The following DYNC2I2 variants were observed in gnomAD, a reference collection of about 807,000 sequenced individuals.
DYNC2I2 encodes the protein cytoplasmic dynein 2 intermediate chain 2.
A neutral mutation model predicts 52.0 loss-of-function variants in DYNC2I2; 39 were observed. The ratio of observed to expected loss-of-function variants is 0.75; its 90% confidence interval spans 0.58 to 0.98. The LOEUF (loss-of-function observed/expected upper bound fraction) is 0.98. Among genes scored for constraint, DYNC2I2 ranks in the 50% least tolerant of loss-of-function variants. The pLI is 0.00. For synonymous variants in DYNC2I2, 359 were observed against 321.1 expected (o/e 1.12, Z -1.26); for missense variants, 743 against 728.4 (o/e 1.02, Z -0.23).
the DYNC2I2 span, among the ~76,000 whole-genome samples, chr9:128,669,663 C>T: frequency 9.9e-5 from 15 of 152,264 alleles, no homozygotes; most frequent in African/African-American, 2.9e-4. Flanking sequence ...CACTATTGCA[C>T]GCCATCCTGG....
At chr9:128,639,327 G>A (rs1042183281) in intron 2 of DYNC2I2, among the ~76,000 whole-genome samples, 2 of 152,010 alleles carry the variant, frequency 1.3e-5, no homozygotes, top group African/African-American at 4.8e-5. Flanking sequence ...GGACCCGGGA[G>A]GCAGAGGTTG....
the DYNC2I2 span, among the ~76,000 whole-genome samples, chr9:128,673,826 G>C: frequency 1.8e-4 from 10 of 54,844 alleles, no homozygotes; most frequent in African/African-American, 7.8e-4. Context: ...TTTTTTTTTT[G>C]AGATGAAGTT....
chr9:128,683,786 C>G, the DYNC2I2 span: 1 of 860,402 alleles, frequency 1.2e-6, no homozygotes, highest in Non-Finnish European at 1.8e-6. Context: ...CCAGGCAGGG[C>G]GGCTCCAGTG....
At chr9:128,675,478 C>T in the DYNC2I2 span, among the ~76,000 whole-genome samples, 9 of 152,236 alleles carry the variant, frequency 5.9e-5, no homozygotes, top group East Asian at 1.5e-3. Context: ...CCGAGCCTGG[C>T]GGAGCCTTGA....
At chr9:128,653,550 TA>T (rs111614767) in intron 1 of DYNC2I2, among the ~76,000 whole-genome samples, 4,820 of 128,028 alleles carry the variant, frequency 0.038, 386 homozygotes, top group African/African-American at 0.12. Flanking sequence ...CCACCTCTAC[TA>T]AAAAAAAAAA....
chr9:128,676,437 C>A, the DYNC2I2 span, among the ~76,000 whole-genome samples: 1 of 152,022 alleles, frequency 6.6e-6, no homozygotes, highest in Admixed American at 6.6e-5. Context: ...TTGCAGTGAG[C>A]CTAGATCCTG....
intron 6 of DYNC2I2, 31 bp downstream of exon 6, chr9:128,635,061 A>G (rs775568129): frequency 6.3e-7 from 1 of 1,596,674 alleles, no homozygotes; most frequent in Non-Finnish European, 8.5e-7. Context: ...TCACCGGCGC[A>G]GGCCAGGGCA....
In DYNC2I2 at chr9:128,656,608, T is replaced by C. The variant is rs1474346802; in HGVS notation, c.119A>G (p.Asp40Gly). The C allele has an allele frequency of 6.7e-7, 1 of 1,494,594 alleles. No homozygotes were observed. The highest frequency in any genetic ancestry group is 2.8e-5 in the East Asian group (1 of 35,238). The allele number at this position is 1,494,594 out of a possible 1,614,324, so 92.6% of individuals were successfully genotyped here. A position where few individuals can be genotyped will look rare whatever the true frequency, so the allele number is the denominator to read the frequency against. ...PGPGRPGPLQ[D>G]ETLGVASVPS... ...CACGGACGCCACACCCAGGGTCTCG[T>C]CCTGCAGCGGCCCTGGCCGCCCCGG... is the stretch of plus-strand genomic sequence containing the variant. The change falls in exon 1 of 9, where the codon GAC (aspartate) becomes GGC (glycine). Residue 40 changes from aspartate (D) to glycine (G), a missense_variant. Coordinates refer to ENST00000372715, the MANE Select transcript of DYNC2I2 (RefSeq NM_052844.4).
At chr9:128,665,956 T>G in the DYNC2I2 span, among the ~76,000 whole-genome samples, 2 of 149,668 alleles carry the variant, frequency 1.3e-5, no homozygotes, top group African/African-American at 4.9e-5. Context: ...GCGCCTGTAG[T>G]CCCAGCTACT....
chr9:128,668,499 C>T, the DYNC2I2 span, among the ~76,000 whole-genome samples: 5 of 150,796 alleles, frequency 3.3e-5, no homozygotes, highest in Non-Finnish European at 5.9e-5. Flanking sequence ...CCAGCGCCAG[C>T]TTGGGTAACA....
intron 4 of DYNC2I2, 105 bp from the exon 5 acceptor site, chr9:128,635,872 G>A: frequency 9.3e-7 from 1 of 1,079,234 alleles, no homozygotes; most frequent in Non-Finnish European, 1.4e-6. Context: ...CCAGGGCCAG[G>A]CGGCAGAGCC....
chr9:128,638,997 A>G (rs187860411), intron 2 of DYNC2I2, among the ~76,000 whole-genome samples: 53 of 152,272 alleles, frequency 3.5e-4, no homozygotes, highest in Non-Finnish European at 5.1e-4. Flanking sequence ...ATTTTGGTTC[A>G]AGGAATGTTT....
intron 1 of DYNC2I2, among the ~76,000 whole-genome samples, chr9:128,648,047 T>C (rs888985492): frequency 2.3e-4 from 35 of 152,070 alleles, no homozygotes; most frequent in Non-Finnish European, 4.0e-4. Context: ...ACAGGACCCC[T>C]TTCTTGGAAA....
chr9:128,659,028 C>T (rs1215959973), upstream of DYNC2I2, among the ~76,000 whole-genome samples: 2 of 151,722 alleles, frequency 1.3e-5, no homozygotes, highest in Non-Finnish European at 2.9e-5. Flanking sequence ...CTCCCCAGGC[C>T]AAAGCAGATG....
chr9:128,669,397 A>T, the DYNC2I2 span, among the ~76,000 whole-genome samples: 28 of 151,870 alleles, frequency 1.8e-4, no homozygotes, highest in African/African-American at 6.8e-4. Context: ...AAAATTTTTA[A>T]AATTAAAATT....
At position 128,650,205 on chromosome 9, in the gene DYNC2I2, T is replaced by C. The variant is rs1860697440; in HGVS notation, c.186+6336A>G. On this transcript the variant is annotated intron_variant, in intron 1 of 8. Transcript: ENST00000372715. ...ACATTTTTCAACACTTTCCAGGGCA[T>C]TCCAGTGTTGACTACCTTTGAGAAG... Among the ~76,000 whole-genome samples, 2 of 55,208 alleles carry C rather than the reference T, an allele frequency of 3.6e-5. 1 individual carries two copies. Among genetic ancestry groups the C allele is most frequent in the South Asian group, 1.2e-3 (2 of 1,730 alleles). The allele number at this position is 55,208 out of a possible 152,430, so 36.2% of individuals were successfully genotyped here. A position where few individuals can be genotyped will look rare whatever the true frequency, so the allele number is the denominator to read the frequency against.
At chr9:128,669,193 G>A in the DYNC2I2 span, among the ~76,000 whole-genome samples, 22 of 151,754 alleles carry the variant, frequency 1.4e-4, no homozygotes, top group Non-Finnish European at 2.4e-4. Context: ...GTGAAACTCC[G>A]TCTCTACTAA....
the DYNC2I2 span, chr9:128,683,966 C>T: frequency 2.0e-5 from 31 of 1,556,998 alleles, no homozygotes; most frequent in African/African-American, 2.7e-5. Context: ...GCTCTGGGAC[C>T]GGAGGAGACA....
At chr9:128,679,654 T>G in the DYNC2I2 span, among the ~76,000 whole-genome samples, 6 of 144,892 alleles carry the variant, frequency 4.1e-5, no homozygotes, top group East Asian at 4.1e-4. Flanking sequence ...TTTTTTTTTG[T>G]TTTTTTTTTT....
Sources: allele counts gnomAD v4.1 joint callset (sites outside exome capture counted in the v4.1 genomes callset), GRCh38; gene constraint gnomAD v4.1.1; transcripts MANE v1.5; gene names NCBI Gene and HGNC (gene_info 2026-07-23, HGNC 2026-07-21).